The following DDX25 variants were observed in gnomAD, a reference collection of about 807,000 sequenced individuals.
DDX25 encodes the protein ATP-dependent RNA helicase DDX25.
DDX25 carries 70 observed loss-of-function variants against 64.6 expected under a neutral mutation model. That is an observed-to-expected ratio of 1.08 (90% CI 0.89 to 1.32). DDX25 has a LOEUF of 1.32. Ranked by LOEUF, DDX25 falls within the 40% of genes most tolerant of loss-of-function variation. DDX25 has a pLI of 0.00. For synonymous variants in DDX25, 211 were observed against 213.3 expected (o/e 0.99, Z 0.09); for missense variants, 587 against 604.4 (o/e 0.97, Z 0.30).
At chr11:125,912,334 C>T (rs1944977573) in intron 8 of DDX25, among the ~76,000 whole-genome samples, 1 of 152,166 alleles carries the variant, frequency 6.6e-6, no homozygotes. Flanking sequence ...AATTAGGTTA[C>T]AGTAACTGTC....
chr11:125,910,476 G>A lies in DDX25; in HGVS notation c.620G>A (p.Arg207Gln), dbSNP rs370940701. 25 of 1,613,604 alleles carry A rather than the reference G, an allele frequency of 1.5e-5. No individual in the cohort carries two copies. The highest frequency in any genetic ancestry group is 2.7e-5 in the African/African-American group (2 of 74,910). The part of the protein sequence containing the change: ...VQVMYAIRGN[R>Q]IPRGTDITKQ... ...GTGATGTATGCCATTCGAGGGAATC[G>A]AAGTATGTACCAGTAAGCCAGTCCT... is the stretch of plus-strand genomic sequence containing the variant. The change falls in exon 7 of 12, where the codon CGA (arginine) becomes CAA (glutamine). Residue 207 changes from arginine to glutamine, a missense_variant and splice_region_variant. Transcript: ENST00000263576.
rs1475323169 is a variant in DDX25, at chr11:125,921,329, T to C, written c.1340T>C (p.Met447Thr). ...RFGKKGLAFN[M>T]IEVDELPSLM... is the part of the protein sequence containing the mutation. Reference sequence around the variant, plus strand: ...GGGAAAAAAGGCCTTGCCTTCAACATGATTGAAGTAGATGAGCTGCCCTCG... The same window carrying C: ...GGGAAAAAAGGCCTTGCCTTCAACACGATTGAAGTAGATGAGCTGCCCTCG... The change falls in exon 11 of 12, where the codon ATG becomes ACG. Residue 447 changes from methionine (M) to threonine (T), a missense_variant. By Grantham distance (81) the Met-to-Thr change is moderately conservative (BLOSUM62 -1). Coordinates refer to ENST00000263576, the MANE Select transcript of DDX25 (RefSeq NM_013264.5). The surrounding 1 kb of genome is among the most constrained non-coding windows in gnomAD (Gnocchi z 4.1). 3 of 1,613,638 alleles carry C rather than the reference T, an allele frequency of 1.9e-6. No individual in the cohort carries two copies. Among genetic ancestry groups the C allele is most frequent in the Non-Finnish European group, 1.7e-6 (2 of 1,179,864 alleles).
At chr11:125,907,911 C>T (rs928983824) in intron 4 of DDX25, among the ~76,000 whole-genome samples, 5 of 152,126 alleles carry the variant, frequency 3.3e-5, no homozygotes, top group South Asian at 2.1e-4. Context: ...TCTTTTTATG[C>T]GATGAGTTTT....
chr11:125,904,884 G>A lies in DDX25; in HGVS notation c.63+304G>A, dbSNP rs980191434. The A allele has an allele frequency of 1.1e-5, 6 of 555,990 alleles. No homozygotes were observed. The South Asian group carries it at 1.1e-4, about 10-fold the overall frequency. 34.4% of individuals were successfully genotyped at this position (555,990 alleles called of 1,614,324 possible). A position where few individuals can be genotyped will look rare whatever the true frequency, so the allele number is the denominator to read the frequency against. ...TCTACTCTGCCCATTTGCCCATTAA[G>A]CCTCACCTCGCTTCCATCCATTTGC... is the stretch of plus-strand genomic sequence containing the variant. On this transcript the variant is annotated intron_variant, in intron 1 of 11. Transcript: ENST00000263576.
At chr11:125,918,120 A>T (rs1049587895) in intron 9 of DDX25, among the ~76,000 whole-genome samples, 1 of 152,114 alleles carries the variant, frequency 6.6e-6, no homozygotes, top group African/African-American at 2.4e-5. Context: ...ACCTCAGGTG[A>T]TCCACCCGCC....
chr11:125,917,275 A>C, intron 9 of DDX25, 24 bp downstream of exon 9: 1 of 1,572,808 alleles, frequency 6.4e-7, no homozygotes, highest in Non-Finnish European at 8.6e-7. Flanking sequence ...ATGTGTCTTC[A>C]TCGAGCCCAG....
At position 125,906,139 on chromosome 11, in the gene DDX25, C is replaced by A. The variant is rs371781755; in HGVS notation, c.241C>A (p.Arg81Ser). 1.6e-5 allele frequency: 25 copies of A among 1,551,062 alleles called. No individual in the cohort carries two copies. The African/African-American group carries it at 2.9e-4, about 18-fold the overall frequency. ...IHQSLVESSH[R>S]VEVLQKDPSS... ...TCAATCCTTAGTAGAATCCAGTCAC[C>A]GTGTGGAAGTTTTACAGAAGGATCC... Residue 81 changes from arginine to serine, a missense_variant, in exon 4 of 12, where the codon CGT becomes AGT. Transcript: ENST00000263576.
intron 8 of DDX25, among the ~76,000 whole-genome samples, chr11:125,913,294 TCTC>T (rs1591518337): frequency 6.6e-6 from 1 of 152,154 alleles, no homozygotes; most frequent in African/African-American, 2.4e-5. Context: ...AAGTTTTAAA[TCTC>T]CTATATCTTG....
intron 10 of DDX25, among the ~76,000 whole-genome samples, chr11:125,919,593 T>C (rs1006904813): frequency 4.0e-5 from 6 of 150,880 alleles, no homozygotes; most frequent in African/African-American, 1.5e-4. Context: ...CTTCCGGCTT[T>C]CTTCATCCCT....
Position 125,925,807 on chromosome 11 carries a change from G to A in DDX25, c.*2926G>A, listed in dbSNP as rs56819906. ...AAGGCAACCATTAATAATAGGAAAG[G>A]CAAATAAGTTGGTCATAGTCTGGTA... On this transcript the variant is annotated 3_prime_UTR_variant, in exon 12 of 12. Coordinates refer to ENST00000263576, the MANE Select transcript of DDX25 (RefSeq NM_013264.5). 42,886 of 185,998 alleles carry A rather than the reference G, an allele frequency of 0.23. 7,008 individuals carry two copies. Among genetic ancestry groups the A allele is most frequent in the African/African-American group, 0.49 (20,894 of 42,594 alleles). The allele number at this position is 185,998 out of a possible 1,614,324, so 11.5% of individuals were successfully genotyped here. A position where few individuals can be genotyped will look rare whatever the true frequency, so the allele number is the denominator to read the frequency against.
At position 125,922,880 on chromosome 11, in the gene DDX25, G is replaced by A. The variant is rs751483532; in HGVS notation, c.1451G>A (p.Ter484=). 89 of 1,605,542 alleles carry A rather than the reference G, an allele frequency of 5.5e-5. No homozygotes were observed. Among genetic ancestry groups the A allele is most frequent in the Non-Finnish European group, 7.4e-5 (87 of 1,175,378 alleles). ...DMDEIEKIDY[*] ...GATGAAATTGAAAAGATTGACTATT[G>A]AAGAAAGAACTTTATTGTTTGTGCA... The change falls in exon 12 of 12, where the codon TGA becomes TAA. Residue 484 remains the stop codon, a stop_retained_variant. Coordinates refer to ENST00000263576, the MANE Select transcript of DDX25 (RefSeq NM_013264.5).
intron 11 of DDX25, chr11:125,922,469 GGGA>G (rs1178767554): frequency 1.8e-5 from 4 of 217,012 alleles, no homozygotes; most frequent in Non-Finnish European, 3.6e-5. Flanking sequence ...AGGCTAACTG[GGGA>G]GGACAGGGTG....
chr11:125,925,110 C>A lies in DDX25; in HGVS notation c.*2229C>A, dbSNP rs575324511. On this transcript the variant is annotated 3_prime_UTR_variant, in exon 12 of 12. Transcript: ENST00000263576. ...GGATGAATGAGCATGAGAAGTGTAT[C>A]CAGATACTTTGTTCTCTTACTATTC... 135 of 201,346 alleles carry A rather than the reference C, an allele frequency of 6.7e-4. No individual in the cohort carries two copies. The highest frequency in any genetic ancestry group is 1.2e-3 in the Non-Finnish European group (111 of 95,488). 12.5% of individuals were successfully genotyped at this position (201,346 alleles called of 1,614,324 possible).
At chr11:125,909,553 GTATTA>G (rs1370546255) in intron 6 of DDX25, among the ~76,000 whole-genome samples, 6 of 151,448 alleles carry the variant, frequency 4.0e-5, no homozygotes, top group Non-Finnish European at 5.9e-5. Context: ...TGCCTATTAT[GTATTA>G]TATTATGTTA....
rs1038482089 is a variant in DDX25 at position 125,908,510 on chromosome 11, G to A, written c.507+7G>A. 6.2e-7 allele frequency: 1 copy of A among 1,612,618 alleles called. No individual in the cohort carries two copies. The highest frequency in any genetic ancestry group is 8.5e-7 in the Non-Finnish European group (1 of 1,179,748). On this transcript the variant is annotated splice_region_variant and intron_variant, in intron 6 of 11. Transcript: ENST00000263576. The stretch of plus-strand genomic sequence containing the variant: ...CTTGGAATTGTTCCCACAGGTAAGG[G>A]AAGGCTGAGAGAAGACTGGGAATGC...
rs954012074 is a variant in DDX25, at chr11:125,916,488, T to C, written c.801-526T>C. ...TTTAACTTTATGTGAATCAGCCCTG[T>C]ATTCATTCTGGGTTCAGAATGGGTA... On this transcript the variant is annotated intron_variant, in intron 8 of 11. Transcript: ENST00000263576. Among the ~76,000 whole-genome samples, 24 of 152,342 alleles carry C rather than the reference T, an allele frequency of 1.6e-4. 1 individual carries two copies. Among genetic ancestry groups the C allele is most frequent in the African/African-American group, 5.3e-4 (22 of 41,592 alleles).
rs767539305 is a variant in DDX25, at chr11:125,918,697, G to A, written c.1108G>A (p.Gly370Arg). 1.1e-5 allele frequency: 17 copies of A among 1,613,820 alleles called. No individual in the cohort carries two copies. Among genetic ancestry groups the A allele is most frequent in the Admixed American group, 3.3e-5 (2 of 59,996 alleles). Residue 370 changes from glycine to arginine, a missense_variant, in exon 10 of 12, where the codon GGG becomes AGG. Gly to Arg is a moderately radical substitution (Grantham distance 125). Transcript: ENST00000263576. ...TGGCCACCAGGTGTCTTTGTTAAGC[G>A]GGGAGCTGACCGTGGAGCAGCGAGC... is the stretch of plus-strand genomic sequence containing the variant. The part of the protein sequence containing the change: ...QDGHQVSLLS[G>R]ELTVEQRASI...
At position 125,905,106 on chromosome 11, in the gene DDX25, C is replaced by A. The variant is rs571558984; in HGVS notation, c.64-106C>A. 4 of 1,002,750 alleles carry A rather than the reference C, an allele frequency of 4.0e-6. No homozygotes were observed. In the Admixed American group the frequency reaches 8.5e-5, roughly 21 times the overall value. 62.1% of individuals were successfully genotyped at this position (1,002,750 alleles called of 1,614,324 possible). ...ACCTAATATTGCAAAGGAAGCAATA[C>A]CCGGGTGTCCTTCCCTGAATCCCTC... On this transcript the variant is annotated intron_variant, in intron 1 of 11. Coordinates refer to ENST00000263576, the MANE Select transcript of DDX25 (RefSeq NM_013264.5).
chr11:125,906,826 A>AAAC (rs1424723625), intron 4 of DDX25, among the ~76,000 whole-genome samples: 1 of 150,984 alleles, frequency 6.6e-6, no homozygotes, highest in Non-Finnish European at 1.5e-5. Context: ...TCCGTCTCAA[A>AAAC]AAAAAAAAAA....
Sources: gnomAD v4.1 joint callset for allele counts (sites outside exome capture counted in the v4.1 genomes callset) on GRCh38, gnomAD v4.1.1 for gene constraint, Gnocchi (gnomAD v3.1) non-coding constraint, MANE v1.5 for transcripts, NCBI Gene and HGNC (gene_info 2026-07-23, HGNC 2026-07-21) for gene names.